Variants in EBAG9 observed in about 807,000 individuals in gnomAD.
The protein encoded by EBAG9 is estrogen receptor binding site associated antigen 9, also known as receptor-binding cancer antigen expressed on SiSo cells.
Under a neutral mutation model 30.9 loss-of-function variants are expected in EBAG9, and 16 were observed. The ratio of observed to expected loss-of-function variants is 0.52; its 90% CI spans 0.35 to 0.79. The LOEUF is 0.79. Among genes scored for constraint, EBAG9 ranks in the 30% least tolerant of loss-of-function variants. The pLI, the probability that EBAG9 is intolerant of heterozygous loss-of-function variation, is 0.01. For synonymous variants in EBAG9, 93 were observed against 82.8 expected (o/e 1.12, Z -0.67); for missense variants, 197 against 242.1 (o/e 0.81, Z 1.24).
At position 109,555,066 on chromosome 8, in the gene EBAG9, G is replaced by A. The variant is rs139895894; in HGVS notation, c.321+179G>A. 6.8e-3 allele frequency among the ~76,000 whole-genome samples: 1,021 copies of A among 151,154 alleles called. 15 individuals are homozygous for A. The highest frequency in any genetic ancestry group is 0.022 in the African/African-American group (887 of 41,124). ...AGTTACATATGTATACATGTGCCAT[G>A]TTGGTGTGCTGCACCCATCAACTCG... On this transcript the variant is annotated intron_variant, in intron 4 of 6. Transcript: ENST00000337573.
At chr8:109,548,851 G>A (rs1388467059) in intron 1 of EBAG9, among the ~76,000 whole-genome samples, 3 of 148,402 alleles carry the variant, frequency 2.0e-5, no homozygotes, top group Non-Finnish European at 4.5e-5. Context: ...TTCCATTCTG[G>A]ATGCCTTTTA....
intron 3 of EBAG9, among the ~76,000 whole-genome samples, chr8:109,554,374 T>G (rs997016724): frequency 2.6e-5 from 4 of 152,194 alleles, no homozygotes; most frequent in Non-Finnish European, 4.4e-5. Context: ...TGGAGAAGCT[T>G]GGTATTTTTT....
At chr8:109,557,509 C>T (rs919846014) in intron 5 of EBAG9, among the ~76,000 whole-genome samples, 4 of 152,158 alleles carry the variant, frequency 2.6e-5, no homozygotes, top group Admixed American at 2.6e-4. Flanking sequence ...ATATCAGAAT[C>T]AGCTTTGGAG....
intron 1 of EBAG9, among the ~76,000 whole-genome samples, chr8:109,541,902 C>G (rs774177173): frequency 6.6e-6 from 1 of 152,176 alleles, no homozygotes; most frequent in Non-Finnish European, 1.5e-5. Context: ...GTGGCTTGAT[C>G]GCATTTTCCC....
intron 3 of EBAG9, 120 bp from the exon 4 acceptor site, chr8:109,554,609 C>T (rs942073562): frequency 9.0e-6 from 8 of 888,388 alleles, no homozygotes; most frequent in Non-Finnish European, 1.0e-5. Context: ...TATGTTTTCC[C>T]GTGGGTTAAA....
At chr8:109,543,109 C>T (rs531257022) in intron 1 of EBAG9, among the ~76,000 whole-genome samples, 91 of 132,230 alleles carry the variant, frequency 6.9e-4, no homozygotes, top group Non-Finnish European at 1.4e-4. Context: ...TTAAATAACT[C>T]GAGTACAATT....
intron 2 of EBAG9, among the ~76,000 whole-genome samples, chr8:109,552,423 A>G (rs1018452131): frequency 9.9e-5 from 15 of 152,164 alleles, no homozygotes; most frequent in African/African-American, 3.6e-4. Flanking sequence ...AAAAGGAGCA[A>G]ACTAAGTGTT....
intron 2 of EBAG9, among the ~76,000 whole-genome samples, chr8:109,553,044 T>C (rs992730114): frequency 6.6e-6 from 1 of 152,126 alleles, no homozygotes; most frequent in Non-Finnish European, 1.5e-5. Context: ...GCTGACTTTA[T>C]CGTTCTTAGT....
chr8:109,565,732 A>G lies in EBAG9; in HGVS notation c.*1173A>G, dbSNP rs1821813342. 6.6e-6 allele frequency: 1 copy of G among 152,088 alleles called. No individual in the cohort carries two copies. The highest frequency in any genetic ancestry group is 1.5e-5 in the Non-Finnish European group (1 of 67,964). The allele number at this position is 152,088 out of a possible 1,614,324, so 9.4% of individuals were successfully genotyped here. On this transcript the variant is annotated 3_prime_UTR_variant, in exon 7 of 7. Coordinates refer to ENST00000337573, the MANE Select transcript of EBAG9 (RefSeq NM_004215.5). ...TTTCTTAAGTTACTGCCTAGAATCA[A>G]CATTCGGTGAGATTTTGAAATGTCA...
At chr8:109,557,841 A>G in intron 5 of EBAG9, 1 of 349,366 alleles carries the variant, frequency 2.9e-6, no homozygotes, top group Non-Finnish European at 5.9e-6. Flanking sequence ...ATTTGTTTGC[A>G]CAAAGCCTCA....
At chr8:109,544,855 T>G (rs73317023) in intron 1 of EBAG9, among the ~76,000 whole-genome samples, 2,278 of 152,330 alleles carry the variant, frequency 0.015, 57 homozygotes, top group African/African-American at 0.052. Flanking sequence ...CATAGTTACT[T>G]AAGTTTTCAA....
At chr8:109,547,386 G>A (rs1380747001) in intron 1 of EBAG9, among the ~76,000 whole-genome samples, 1 of 151,868 alleles carries the variant, frequency 6.6e-6, no homozygotes, top group African/African-American at 2.4e-5. Context: ...ATCCCAGTAG[G>A]TATGTAATAA....
intron 5 of EBAG9, among the ~76,000 whole-genome samples, chr8:109,558,305 G>T (rs1194487003): frequency 6.6e-6 from 1 of 152,104 alleles, no homozygotes; most frequent in Admixed American, 6.5e-5. Context: ...TCTAGTAGGG[G>T]AGACATGATA....
intron 1 of EBAG9, among the ~76,000 whole-genome samples, chr8:109,542,891 A>G (rs892178678): frequency 3.3e-5 from 5 of 152,186 alleles, no homozygotes; most frequent in African/African-American, 1.2e-4. Context: ...ACTAGAATTA[A>G]GAAGACTTTA....
intron 6 of EBAG9, 93 bp downstream of exon 6, chr8:109,561,022 A>G: frequency 9.6e-7 from 1 of 1,038,034 alleles, no homozygotes; most frequent in South Asian, 1.7e-5. Flanking sequence ...TTTGCCAAAT[A>G]TTATATTTTT....
intron 6 of EBAG9, chr8:109,563,548 C>T: frequency 6.4e-7 from 1 of 1,573,778 alleles, no homozygotes; most frequent in Non-Finnish European, 8.6e-7. Flanking sequence ...ATGTATTTCA[C>T]AAAGTATGAT....
chr8:109,544,578 T>A (rs1821345940), intron 1 of EBAG9, among the ~76,000 whole-genome samples: 1 of 152,334 alleles, frequency 6.6e-6, no homozygotes, highest in Non-Finnish European at 1.5e-5. Context: ...GGAATCATGA[T>A]TCTGAATACA....
intron 2 of EBAG9, among the ~76,000 whole-genome samples, chr8:109,551,178 T>C (rs931291884): frequency 1.3e-5 from 2 of 152,096 alleles, no homozygotes; most frequent in African/African-American, 4.8e-5. Context: ...AGACCAACTT[T>C]CATTATTATA....
chr8:109,557,641 C>A (rs1821627823), intron 5 of EBAG9: 1 of 454,024 alleles, frequency 2.2e-6, no homozygotes, highest in Non-Finnish European at 4.4e-6. Context: ...AAAATAATTA[C>A]AAATATTAAT....
Sources: gnomAD v4.1 joint callset for allele counts (sites outside exome capture counted in the v4.1 genomes callset) on GRCh38, gnomAD v4.1.1 for gene constraint, MANE v1.5 for transcripts, NCBI Gene and HGNC (gene_info 2026-07-23, HGNC 2026-07-21) for gene names.